SORCS2: variants seen among roughly 807,000 people sequenced by gnomAD.
SORCS2 encodes the protein sortilin related VPS10 domain containing receptor 2.
SORCS2 carries 100 observed loss-of-function variants against 141.6 expected under a neutral mutation model. The observed-to-expected ratio is 0.71, with a 90% CI of 0.60 to 0.83. The LOEUF is 0.83. Ranked by LOEUF, SORCS2 falls within the 40% of genes least tolerant of loss-of-function variation. The pLI, the probability that SORCS2 is intolerant of heterozygous loss-of-function variation, is 0.00. For synonymous variants in SORCS2, 789 were observed against 676.9 expected, an observed-to-expected ratio of 1.17 and a Z score of -2.57; for missense variants, 1,646 against 1,560.2, an observed-to-expected ratio of 1.05 and a Z score of -0.93.
At chr4:7,446,622 G>A (rs1005715567) in intron 2 of SORCS2, among the ~76,000 whole-genome samples, 1 of 152,166 alleles carries the variant, frequency 6.6e-6, no homozygotes, top group Non-Finnish European at 1.5e-5. Context: ...CAGCCTTGTT[G>A]GGGTGATGAG....
At chr4:7,351,171 T>G (rs1415392135) in intron 1 of SORCS2, among the ~76,000 whole-genome samples, 2 of 152,218 alleles carry the variant, frequency 1.3e-5, no homozygotes, top group African/African-American at 4.8e-5. Flanking sequence ...CCTGGCCCTC[T>G]GCTGCCTGAG....
At chr4:7,720,109 AT>A (rs1726487065) in intron 18 of SORCS2, among the ~76,000 whole-genome samples, 1 of 152,200 alleles carries the variant, frequency 6.6e-6, no homozygotes, top group African/African-American at 2.4e-5. Context: ...AAACTCGCAG[AT>A]TTGTACACAC....
intron 1 of SORCS2, among the ~76,000 whole-genome samples, chr4:7,328,673 G>A (rs1005772197): frequency 1.8e-4 from 27 of 152,088 alleles, no homozygotes; most frequent in African/African-American, 6.0e-4. Flanking sequence ...CTGGCCTCAC[G>A]GACTTGGGTA....
intron 2 of SORCS2, among the ~76,000 whole-genome samples, chr4:7,467,119 C>T (rs1432295384): frequency 6.6e-6 from 1 of 152,162 alleles, no homozygotes; most frequent in African/African-American, 2.4e-5. Flanking sequence ...GGCGTCCCCC[C>T]AGGCGTTTGG....
At chr4:7,694,208 A>G (rs529957350) in intron 11 of SORCS2, among the ~76,000 whole-genome samples, 1 of 152,258 alleles carries the variant, frequency 6.6e-6, no homozygotes, top group East Asian at 1.9e-4. Context: ...GCTGGCATCA[A>G]GGAAGGGCAG....
At chr4:7,273,406 C>T (rs1715269943) in intron 1 of SORCS2, among the ~76,000 whole-genome samples, 1 of 152,176 alleles carries the variant, frequency 6.6e-6, no homozygotes, top group Non-Finnish European at 1.5e-5. Context: ...AAGCCACTTG[C>T]ATCCATCATT....
At chr4:7,576,151 G>A (rs375360579) in intron 3 of SORCS2, among the ~76,000 whole-genome samples, 1 of 152,182 alleles carries the variant, frequency 6.6e-6, no homozygotes, top group African/African-American at 2.4e-5. Flanking sequence ...GGGAGAGAAA[G>A]GTCAACACCA....
intron 8 of SORCS2, among the ~76,000 whole-genome samples, chr4:7,675,448 G>T (rs1723047037): frequency 1.3e-5 from 2 of 152,210 alleles, no homozygotes; most frequent in African/African-American, 4.8e-5. Flanking sequence ...TGGGGATATT[G>T]TCCCCAGACA....
intron 1 of SORCS2, among the ~76,000 whole-genome samples, chr4:7,360,884 C>T (rs1044087182): frequency 6.6e-6 from 1 of 151,954 alleles, no homozygotes. Context: ...CCCGCCCAGT[C>T]CCTTCTTCAT....
rs541579051 is a variant in SORCS2, at chr4:7,689,533, C to T, written c.1536C>T (p.Tyr512=). The change falls in exon 11 of 27, where the codon TAC becomes TAT. Residue 512 remains tyrosine, a synonymous_variant. Coordinates refer to ENST00000507866, the MANE Select transcript of SORCS2 (RefSeq NM_020777.3). ...HLHLRWADNP[Y]VSGTVHTKDT... ...ACCTGCGCTGGGCAGACAACCCCTA[C>T]GTATCAGGCACCGTGCACACCAAGG... 58 of 1,607,134 alleles carry T rather than the reference C, an allele frequency of 3.6e-5. 1 individual carries two copies. Among genetic ancestry groups the T allele is most frequent in the Admixed American group, 1.0e-4 (6 of 59,414 alleles).
intron 1 of SORCS2, among the ~76,000 whole-genome samples, chr4:7,248,852 A>G (rs1244707261): frequency 1.3e-5 from 2 of 152,186 alleles, no homozygotes; most frequent in Non-Finnish European, 2.9e-5. Context: ...AGGCCAGGGT[A>G]TGAGGATAGC....
At position 7,648,963 on chromosome 4, in the gene SORCS2, C is replaced by G. The variant is rs1325606614; in HGVS notation, c.814-5171C>G. The stretch of plus-strand genomic sequence containing the variant: ...TGAGGGGACACGCCTGGGGATCCCT[C>G]CCCCGAGCCCAGCTGGCACTGGCAC... On this transcript the variant is annotated intron_variant, in intron 4 of 26. Coordinates refer to ENST00000507866, the MANE Select transcript of SORCS2 (RefSeq NM_020777.3). This position sits in a 1 kb window ranked among gnomAD's most constrained non-coding sequence, Gnocchi z 4.2. 1.3e-5 allele frequency among the ~76,000 whole-genome samples: 2 copies of G among 152,144 alleles called. No homozygotes were observed. Among genetic ancestry groups the G allele is most frequent in the Non-Finnish European group, 2.9e-5 (2 of 68,006 alleles).
At chr4:7,717,159 C>T (rs1726245503) in intron 17 of SORCS2, among the ~76,000 whole-genome samples, 2 of 152,214 alleles carry the variant, frequency 1.3e-5, no homozygotes, top group South Asian at 4.1e-4. Flanking sequence ...CAGGGCCTCT[C>T]TCCAGCCTCG....
chr4:7,323,942 G>A (rs1719069667), intron 1 of SORCS2, among the ~76,000 whole-genome samples: 1 of 152,140 alleles, frequency 6.6e-6, no homozygotes, highest in South Asian at 2.1e-4. Context: ...GAGGGGACGG[G>A]GACTAACATT....
chr4:7,429,984 G>A (rs977896017), intron 2 of SORCS2, among the ~76,000 whole-genome samples: 1 of 152,210 alleles, frequency 6.6e-6, no homozygotes, highest in African/African-American at 2.4e-5. Context: ...CCCGTCCGGT[G>A]CACAGGGGCC....
chr4:7,694,508 G>T (rs376193399), intron 11 of SORCS2, among the ~76,000 whole-genome samples: 1 of 152,136 alleles, frequency 6.6e-6, no homozygotes, highest in South Asian at 2.1e-4. Flanking sequence ...AAAGACAGAC[G>T]TGTGCACATT....
At chr4:7,328,022 T>C (rs1384375597) in intron 1 of SORCS2, among the ~76,000 whole-genome samples, 1 of 78,016 alleles carries the variant, frequency 1.3e-5, no homozygotes, top group African/African-American at 9.2e-5. Flanking sequence ...GCTAGGCTTT[T>C]TTTTTTTTTT....
chr4:7,249,169 G>A (rs1280918881), intron 1 of SORCS2, among the ~76,000 whole-genome samples: 1 of 152,204 alleles, frequency 6.6e-6, no homozygotes, highest in African/African-American at 2.4e-5. Context: ...TCAGATGGTG[G>A]CTGGGACTGG....
chr4:7,533,900 A>C (rs1006584455), intron 3 of SORCS2, among the ~76,000 whole-genome samples: 3 of 152,188 alleles, frequency 2.0e-5, no homozygotes, highest in African/African-American at 7.2e-5. Context: ...CCTAGGCAGC[A>C]CTGGGCCTTC....
Sources: allele counts gnomAD v4.1 joint callset (sites outside exome capture counted in the v4.1 genomes callset), GRCh38; gene constraint gnomAD v4.1.1; non-coding constraint Gnocchi (gnomAD v3.1); transcripts MANE v1.5; gene names NCBI Gene and HGNC (gene_info 2026-07-23, HGNC 2026-07-21).